The following SFMBT1 variants were observed in gnomAD, a reference collection of about 807,000 sequenced individuals.
SFMBT1 encodes the protein scm-like with four MBT domains protein 1.
SFMBT1 carries 32 observed loss-of-function variants against 108.7 expected under a neutral mutation model. That is an observed-to-expected ratio of 0.29 (90% CI 0.22 to 0.40). The LOEUF (loss-of-function observed/expected upper bound fraction) is 0.40, where lower values mean the gene tolerates loss of function less well. SFMBT1 is among the 10% of genes least tolerant of loss of function. The pLI is 1.00. For missense variants in SFMBT1, 816 were observed against 1,059.6 expected, an observed-to-expected ratio of 0.77 and a Z score of 3.19; for synonymous variants, 348 against 369.5, an observed-to-expected ratio of 0.94 and a Z score of 0.67.
intron 1 of SFMBT1, among the ~76,000 whole-genome samples, chr3:53,015,103 A>AGGAGGCTGAGT (rs1699081065): frequency 6.6e-6 from 1 of 151,822 alleles, no homozygotes; most frequent in African/African-American, 2.4e-5. Context: ...ACAGCTACTG[A>AGGAGGCTGAGT]GGAGGCTGAG....
chr3:52,918,885 G>A (rs1027470290), intron 12 of SFMBT1, among the ~76,000 whole-genome samples: 11 of 151,964 alleles, frequency 7.2e-5, no homozygotes, highest in Non-Finnish European at 1.5e-5. Context: ...TGGCTTCATG[G>A]AAGACAATTT....
chr3:53,003,279 T>G (rs1383795245), intron 1 of SFMBT1, among the ~76,000 whole-genome samples: 1 of 150,106 alleles, frequency 6.7e-6, no homozygotes, highest in Non-Finnish European at 1.5e-5. Flanking sequence ...ATAGAGAATT[T>G]AAAATAATGA....
intron 3 of SFMBT1, among the ~76,000 whole-genome samples, chr3:52,945,151 A>AAAAACAAAAACAAAAAAAC (rs1208407962): frequency 6.7e-6 from 1 of 148,576 alleles, no homozygotes; most frequent in African/African-American, 2.5e-5. Context: ...AAAAAAAAAA[A>AAAAACAAAAACAAAAAAAC]CAAGGACTTC....
chr3:52,959,575 C>A (rs1321249838), intron 2 of SFMBT1, among the ~76,000 whole-genome samples: 1 of 152,204 alleles, frequency 6.6e-6, no homozygotes, highest in African/African-American at 2.4e-5. Context: ...CTCAAAGAAT[C>A]ATCTCCCAGT....
At chr3:53,023,123 C>A (rs571297271) in intron 1 of SFMBT1, among the ~76,000 whole-genome samples, 114 of 152,258 alleles carry the variant, frequency 7.5e-4, no homozygotes, top group Non-Finnish European at 1.5e-3. Flanking sequence ...AGAGGAGCAA[C>A]CCGACCTTTA....
chr3:52,948,491 T>C (rs964717846), intron 3 of SFMBT1, among the ~76,000 whole-genome samples: 4 of 152,112 alleles, frequency 2.6e-5, no homozygotes, highest in African/African-American at 9.7e-5. Context: ...TTAATTTGTT[T>C]GCAGTAAATC....
chr3:52,964,661 G>A (rs992306330), intron 2 of SFMBT1, among the ~76,000 whole-genome samples: 9 of 151,978 alleles, frequency 5.9e-5, no homozygotes, highest in African/African-American at 4.8e-5. Context: ...GAAAAAAAAA[G>A]CTCCTCAGAG....
At chr3:53,043,889 C>T (rs1229316574) in intron 1 of SFMBT1, among the ~76,000 whole-genome samples, 3 of 152,172 alleles carry the variant, frequency 2.0e-5, no homozygotes. Flanking sequence ...TCAAAAGGGT[C>T]CTGTTTTGAG....
intron 1 of SFMBT1, among the ~76,000 whole-genome samples, chr3:53,004,364 CT>C (rs2106917895): frequency 6.7e-6 from 1 of 149,320 alleles, no homozygotes; most frequent in South Asian, 2.1e-4. Context: ...GCTCTACCTC[CT>C]GGGTTCAAGC....
intron 1 of SFMBT1, among the ~76,000 whole-genome samples, chr3:52,994,897 T>C (rs1698267610): frequency 2.0e-5 from 3 of 146,438 alleles, no homozygotes; most frequent in Non-Finnish European, 3.0e-5. Context: ...ATCAAACAAA[T>C]TGGAAAGAAA....
At chr3:52,916,357 T>TAA in intron 13 of SFMBT1, 143 bp from the exon 14 acceptor site, 1 of 4,306 alleles carries the variant, frequency 2.3e-4, no homozygotes. Flanking sequence ...TTGATGATAC[T>TAA]TTTTTTTTTT....
At chr3:53,021,028 A>G (rs1294901278) in intron 1 of SFMBT1, among the ~76,000 whole-genome samples, 2 of 152,258 alleles carry the variant, frequency 1.3e-5, no homozygotes, top group South Asian at 2.1e-4. Flanking sequence ...ACTGCACTCC[A>G]GCCTGGGCAA....
chr3:52,944,578 G>A (rs1413787527), intron 3 of SFMBT1, among the ~76,000 whole-genome samples: 2 of 152,088 alleles, frequency 1.3e-5, no homozygotes, highest in Non-Finnish European at 2.9e-5. Flanking sequence ...GGAGTGCAAT[G>A]GCGTGATCTC....
chr3:52,981,852 C>T (rs1704723825), intron 1 of SFMBT1, among the ~76,000 whole-genome samples: 1 of 152,066 alleles, frequency 6.6e-6, no homozygotes, highest in South Asian at 2.1e-4. Context: ...CCCGCTAACC[C>T]CCACGCCTCG....
At chr3:53,032,104 T>A (rs1699706262) in intron 1 of SFMBT1, among the ~76,000 whole-genome samples, 1 of 152,320 alleles carries the variant, frequency 6.6e-6, no homozygotes, top group African/African-American at 2.4e-5. Flanking sequence ...ATACAATGGC[T>A]CATGCCTGTA....
At chr3:52,929,938 T>C (rs539894650) in intron 8 of SFMBT1, among the ~76,000 whole-genome samples, 39 of 152,342 alleles carry the variant, frequency 2.6e-4, no homozygotes, top group African/African-American at 9.1e-4. Context: ...ACTAACTGCC[T>C]GATCCCCATT....
chr3:52,973,491 A>C (rs1198968267), intron 1 of SFMBT1, among the ~76,000 whole-genome samples: 2 of 152,250 alleles, frequency 1.3e-5, no homozygotes. Flanking sequence ...CCCAGGCAGA[A>C]AAATCAAACT....
intron 2 of SFMBT1, among the ~76,000 whole-genome samples, chr3:52,962,760 T>C (rs1047551254): frequency 2.9e-5 from 4 of 138,222 alleles, no homozygotes; most frequent in South Asian, 2.5e-4. Context: ...TGAGCCGAGG[T>C]TGTGCCACTG....
chr3:53,024,293 T>G (rs1010283261), intron 1 of SFMBT1, among the ~76,000 whole-genome samples: 2 of 150,574 alleles, frequency 1.3e-5, no homozygotes, highest in Admixed American at 1.3e-4. Context: ...GAGATGATTT[T>G]GGGGGAAAAA....
Sources: gnomAD v4.1 joint callset for allele counts (sites outside exome capture counted in the v4.1 genomes callset) on GRCh38, gnomAD v4.1.1 for gene constraint, MANE v1.5 for transcripts, NCBI Gene and HGNC (gene_info 2026-07-23, HGNC 2026-07-21) for gene names.